Variants in DOCK1 observed in about 807,000 individuals in gnomAD.
DOCK1 encodes the protein dedicator of cytokinesis 1.
DOCK1 carries 138 observed loss-of-function variants against 262.7 expected under a neutral mutation model. That is an observed-to-expected ratio of 0.53 (90% CI 0.46 to 0.61). DOCK1 has a LOEUF of 0.61. Among genes scored for constraint, DOCK1 ranks in the 20% least tolerant of loss-of-function variants. The pLI is 0.00. For synonymous variants in DOCK1, 866 were observed against 867.4 expected, an observed-to-expected ratio of 1.00 and a Z score of 0.03; for missense variants, 1,908 against 2,370.7, an observed-to-expected ratio of 0.80 and a Z score of 4.05.
At position 127,444,197 on chromosome 10, in the gene DOCK1, G is replaced by A. The variant is rs34381953; in HGVS notation, c.5331G>A (p.Ser1777=). 6.0e-4 allele frequency: 958 copies of A among 1,608,370 alleles called. 10 individuals carry two copies. The African/African-American group carries it at 8.5e-3, about 14-fold the overall frequency. Residue 1777 remains serine (S), a synonymous_variant, in exon 50 of 52, where the codon TCG becomes TCA. Transcript: ENST00000623213. ...TCATTGGAAGCGAAAGGCGCTTCTCGGTGTCCCCCTCGTCACCGTCCTCCC... is the reference window on the plus strand; with the variant it reads ...TCATTGGAAGCGAAAGGCGCTTCTCAGTGTCCCCCTCGTCACCGTCCTCCC... ...MNVIGSERRF[S]VSPSSPSSQQ...
At chr10:126,909,654 AT>A (rs2031470839) in intron 1 of DOCK1, among the ~76,000 whole-genome samples, 1 of 152,098 alleles carries the variant, frequency 6.6e-6, no homozygotes, top group African/African-American at 2.4e-5. Context: ...CCTTGAGCAA[AT>A]TACTCATACT....
intron 27 of DOCK1, among the ~76,000 whole-genome samples, chr10:127,149,316 CG>C (rs1345462344): frequency 6.6e-6 from 1 of 152,182 alleles, no homozygotes. Flanking sequence ...CAGGCTCTCA[CG>C]GGCTGATGTT....
rs1037772377 is a variant in DOCK1, at chr10:127,127,605, A to T, written c.2752-64A>T. 7 of 1,308,050 alleles carry T rather than the reference A, an allele frequency of 5.4e-6. No homozygotes were observed. In the African/African-American group the frequency reaches 7.2e-5, roughly 14 times the overall value. 81.0% of individuals were successfully genotyped at this position (1,308,050 alleles called of 1,614,324 possible). A position where few individuals can be genotyped will look rare whatever the true frequency, so the allele number is the denominator to read the frequency against. The stretch of plus-strand genomic sequence containing the variant: ...TACAGGGTAAATGGATTCAATGACA[A>T]CCACTGGGGCTTGCATGTTAATGTT... On this transcript the variant is annotated intron_variant, in intron 26 of 51. Coordinates refer to ENST00000623213, the MANE Select transcript of DOCK1 (RefSeq NM_001290223.2).
chr10:126,994,925 G>A (rs2040064869), intron 6 of DOCK1, among the ~76,000 whole-genome samples: 1 of 151,734 alleles, frequency 6.6e-6, no homozygotes, highest in Admixed American at 6.6e-5. Flanking sequence ...CCTCCCGAAC[G>A]GGGTGGCTGC....
chr10:127,082,447 G>T (rs1269254412), intron 23 of DOCK1, among the ~76,000 whole-genome samples: 1 of 152,136 alleles, frequency 6.6e-6, no homozygotes, highest in African/African-American at 2.4e-5. Flanking sequence ...AGTAGCCAAG[G>T]CATGTCTTAC....
At chr10:127,133,744 A>T (rs990981991) in intron 27 of DOCK1, among the ~76,000 whole-genome samples, 5 of 152,238 alleles carry the variant, frequency 3.3e-5, no homozygotes, top group Non-Finnish European at 5.9e-5. Flanking sequence ...TTTTTGCGCA[A>T]CTTAAAATGA....
intron 4 of DOCK1, among the ~76,000 whole-genome samples, chr10:126,983,488 C>G (rs921405055): frequency 5.3e-5 from 8 of 152,176 alleles, no homozygotes; most frequent in African/African-American, 1.7e-4. Flanking sequence ...CTGTCTCTTT[C>G]AGGATCTGTC....
intron 25 of DOCK1, among the ~76,000 whole-genome samples, chr10:127,116,929 T>C (rs2132957900): frequency 6.6e-6 from 1 of 152,348 alleles, no homozygotes; most frequent in East Asian, 1.9e-4. Context: ...AATGGTGGAA[T>C]GTAAACATCA....
chr10:127,285,499 T>C (rs2061117333), intron 29 of DOCK1, among the ~76,000 whole-genome samples: 1 of 152,218 alleles, frequency 6.6e-6, no homozygotes, highest in Admixed American at 6.5e-5. Flanking sequence ...TCTTCTCTCT[T>C]CAGGCTTTGG....
In DOCK1 at chr10:127,373,913, CAGAG is replaced by C. The variant is rs748611227; in HGVS notation, c.3518+51_3518+54del. On this transcript the variant is annotated intron_variant, in intron 34 of 51. Transcript: ENST00000623213. ...GATTTATGTCTGAGAGATACAGAGA[CAGAG>C]AGACCGTAATTAGACTACAATGAAC... 29 of 1,567,806 alleles carry C rather than the reference CAGAG, an allele frequency of 1.8e-5. No individual in the cohort carries two copies. In the African/African-American group the frequency reaches 2.6e-4, roughly 14 times the overall value.
chr10:127,305,665 C>T (rs2061847377), intron 29 of DOCK1, among the ~76,000 whole-genome samples: 1 of 152,134 alleles, frequency 6.6e-6, no homozygotes, highest in Non-Finnish European at 1.5e-5. Flanking sequence ...AACACAGATC[C>T]TCAGGAACAT....
chr10:127,033,691 C>T (rs534051900), intron 18 of DOCK1, among the ~76,000 whole-genome samples: 8 of 152,260 alleles, frequency 5.3e-5, no homozygotes, highest in East Asian at 1.9e-4. Context: ...GGACAGTCAT[C>T]GTTTGGACTT....
At chr10:127,371,751 C>G (rs2065220866) in intron 33 of DOCK1, among the ~76,000 whole-genome samples, 5 of 152,226 alleles carry the variant, frequency 3.3e-5, no homozygotes, top group Admixed American at 3.3e-4. Flanking sequence ...CTGTCTGGAT[C>G]ATGGCACCAT....
intron 46 of DOCK1, among the ~76,000 whole-genome samples, chr10:127,422,912 C>T (rs1214099244): frequency 6.6e-6 from 1 of 151,936 alleles, no homozygotes; most frequent in Non-Finnish European, 1.5e-5. Flanking sequence ...GTTTCAAGTC[C>T]TACAGAGGAA....
chr10:126,949,350 C>G (rs1469069090), intron 1 of DOCK1, among the ~76,000 whole-genome samples: 2 of 152,216 alleles, frequency 1.3e-5, no homozygotes, highest in Non-Finnish European at 2.9e-5. Context: ...GGACATGTTG[C>G]TTGACAAGTG....
chr10:127,227,572 C>T (rs2048636701), intron 27 of DOCK1, among the ~76,000 whole-genome samples: 1 of 152,206 alleles, frequency 6.6e-6, no homozygotes, highest in Non-Finnish European at 1.5e-5. Context: ...GCACTCTACA[C>T]AGATGCTGGT....
intron 2 of DOCK1, among the ~76,000 whole-genome samples, chr10:126,972,090 A>G (rs2038155209): frequency 6.6e-6 from 1 of 151,650 alleles, no homozygotes; most frequent in Non-Finnish European, 1.5e-5. Flanking sequence ...CTAATTTTGT[A>G]TTTTTAGTAG....
intron 27 of DOCK1, among the ~76,000 whole-genome samples, chr10:127,201,695 C>T (rs1244541678): frequency 1.3e-5 from 2 of 152,150 alleles, no homozygotes; most frequent in Admixed American, 1.3e-4. Context: ...TCTCCCCTCA[C>T]AATCCCTCAT....
chr10:127,334,733 G>T (rs1239054946), intron 29 of DOCK1, among the ~76,000 whole-genome samples: 1 of 152,182 alleles, frequency 6.6e-6, no homozygotes, highest in East Asian at 1.9e-4. Context: ...CCATTTTTAG[G>T]ACAGCATTCC....
Sources: allele counts gnomAD v4.1 joint callset (sites outside exome capture counted in the v4.1 genomes callset), GRCh38; gene constraint gnomAD v4.1.1; transcripts MANE v1.5; gene names NCBI Gene and HGNC (gene_info 2026-07-23, HGNC 2026-07-21).